SRPRA: variants seen among roughly 807,000 people sequenced by gnomAD.
The protein encoded by SRPRA is signal recognition particle receptor subunit alpha.
SRPRA carries 30 observed loss-of-function variants against 61.1 expected under a neutral mutation model. The ratio of observed to expected loss-of-function variants is 0.49; its 90% confidence interval spans 0.37 to 0.67. The LOEUF (loss-of-function observed/expected upper bound fraction) is 0.67. SRPRA is among the 30% of genes least tolerant of loss of function. The probability of loss-of-function intolerance (pLI) is 0.00; values close to 1 mark genes in which losing one functional copy is unlikely to be tolerated. For synonymous variants in SRPRA, 324 were observed against 299.7 expected, an observed-to-expected ratio of 1.08 and a Z score of -0.84; for missense variants, 759 against 828.4, an observed-to-expected ratio of 0.92 and a Z score of 1.03.
Position 126,263,164 on chromosome 11 carries a change from T to G in SRPRA, c.*752A>C, listed in dbSNP as rs1445642845. 1 of 152,412 alleles carries G rather than the reference T, an allele frequency of 6.6e-6. No homozygotes were observed. The highest frequency in any genetic ancestry group is 1.5e-5 in the Non-Finnish European group (1 of 68,048). The allele number at this position is 152,412 out of a possible 1,614,324, so 9.4% of individuals were successfully genotyped here. A position where few individuals can be genotyped will look rare whatever the true frequency, so the allele number is the denominator to read the frequency against. ...TGAAGGATGGGAGGGGAGGGGGTCA[T>G]CATACATCCTTCTGACAATTGGTTT... is the stretch of plus-strand genomic sequence containing the variant. On this transcript the variant is annotated 3_prime_UTR_variant, in exon 14 of 14. Transcript: ENST00000332118.
chr11:126,267,888 C>G lies in SRPRA; in HGVS notation c.201+115G>C. Reference sequence around the variant, plus strand: ...GTAGCTGCTGTTTTCCCCCATCTACCTTTCTAGTTTTTTCAGTTACGTCAT... The same window carrying G: ...GTAGCTGCTGTTTTCCCCCATCTACGTTTCTAGTTTTTTCAGTTACGTCAT... On this transcript the variant is annotated intron_variant, in intron 2 of 13. Coordinates refer to ENST00000332118, the MANE Select transcript of SRPRA (RefSeq NM_003139.4). The surrounding 1 kb of genome is among the most constrained non-coding windows in gnomAD (Gnocchi z 4.2). 1.4e-6 allele frequency: 2 copies of G among 1,410,738 alleles called. No homozygotes were observed. Among genetic ancestry groups the G allele is most frequent in the South Asian group, 2.5e-5 (2 of 80,434 alleles). 87.4% of individuals were successfully genotyped at this position (1,410,738 alleles called of 1,614,324 possible).
chr11:126,249,351 AC>A, the SRPRA span, among the ~76,000 whole-genome samples: 1 of 152,224 alleles, frequency 6.6e-6, no homozygotes, highest in Non-Finnish European at 1.5e-5. Context: ...TTCAGAATAA[AC>A]CTATGAACTG....
the SRPRA span, among the ~76,000 whole-genome samples, chr11:126,248,257 G>A: frequency 6.7e-6 from 1 of 149,440 alleles, no homozygotes; most frequent in African/African-American, 2.5e-5. Context: ...GTGACTGCTA[G>A]ATCATAGGGC....
the SRPRA span, among the ~76,000 whole-genome samples, chr11:126,248,716 C>T: frequency 6.6e-6 from 1 of 152,140 alleles, no homozygotes; most frequent in Admixed American, 6.5e-5. Context: ...AAATCTACTC[C>T]TGCAATAATG....
chr11:126,244,789 G>A, the SRPRA span, among the ~76,000 whole-genome samples: 1 of 151,268 alleles, frequency 6.6e-6, no homozygotes, highest in Admixed American at 6.6e-5. This position sits in a 1 kb window ranked among gnomAD's most constrained non-coding sequence, Gnocchi z 4.5. Context: ...GGCAACAAGA[G>A]CGAAACTCCA....
the SRPRA span, among the ~76,000 whole-genome samples, chr11:126,239,064 C>G: frequency 6.6e-6 from 1 of 151,680 alleles, no homozygotes; most frequent in Non-Finnish European, 1.5e-5. Context: ...CCTCAGCCTC[C>G]TGGGCTCACG....
intron 1 of SRPRA, 105 bp downstream of exon 1, chr11:126,268,583 G>C: frequency 1.1e-6 from 1 of 911,222 alleles, no homozygotes; most frequent in African/African-American, 1.7e-5. Context: ...TGGTCAGTGT[G>C]AGGTGGGCGG....
chr11:126,267,010 A>G lies in SRPRA; in HGVS notation c.527-88T>C. ...AAAAGTCTTCCAAATTGTTCAAAGG[A>G]AATTTGGACCAAACATCTTGGAGTT... is the stretch of plus-strand genomic sequence containing the variant. On this transcript the variant is annotated intron_variant, in intron 4 of 13. Coordinates refer to ENST00000332118, the MANE Select transcript of SRPRA (RefSeq NM_003139.4). This position sits in a 1 kb window ranked among gnomAD's most constrained non-coding sequence, Gnocchi z 4.2. The G allele has an allele frequency of 1.3e-6, 2 of 1,541,214 alleles. No homozygotes were observed. The highest frequency in any genetic ancestry group is 1.7e-6 in the Non-Finnish European group (2 of 1,145,712).
Position 126,264,754 on chromosome 11 carries a change from G to T in SRPRA, c.1525+205C>A. On this transcript the variant is annotated intron_variant, in intron 11 of 13. Coordinates refer to ENST00000332118, the MANE Select transcript of SRPRA (RefSeq NM_003139.4). The surrounding 1 kb of genome is among the most constrained non-coding windows in gnomAD (Gnocchi z 5.0). ...AACAGGATGAAGGTGACCAAATTCA[G>T]GTTTCTCTGGTTAAGGTATATTAGC... 1 of 750,550 alleles carries T rather than the reference G, an allele frequency of 1.3e-6. No homozygotes were observed. Among genetic ancestry groups the T allele is most frequent in the Non-Finnish European group, 2.1e-6 (1 of 475,092 alleles). 46.5% of individuals were successfully genotyped at this position (750,550 alleles called of 1,614,324 possible).
At chr11:126,238,645 T>G in the SRPRA span, among the ~76,000 whole-genome samples, 1 of 152,188 alleles carries the variant, frequency 6.6e-6, no homozygotes, top group African/African-American at 2.4e-5. Flanking sequence ...AGTCCTCTGG[T>G]CAACCTCTGC....
At chr11:126,259,329 A>G (rs1591531398), downstream of SRPRA, among the ~76,000 whole-genome samples, 1 of 152,132 alleles carries the variant, frequency 6.6e-6, no homozygotes, top group African/African-American at 2.4e-5. Flanking sequence ...AAAGGATTCT[A>G]TAGTATGTAG....
the SRPRA span, among the ~76,000 whole-genome samples, chr11:126,240,588 G>T: frequency 6.6e-6 from 1 of 152,138 alleles, no homozygotes; most frequent in East Asian, 1.9e-4. Flanking sequence ...CCTGAAATAG[G>T]TTTATGACTT....
chr11:126,251,738 T>C, the SRPRA span, among the ~76,000 whole-genome samples: 3 of 151,940 alleles, frequency 2.0e-5, no homozygotes. Flanking sequence ...CAGCTTTTTT[T>C]TTTTTTTTTT....
chr11:126,241,151 A>AT, the SRPRA span: 1 of 1,175,030 alleles, frequency 8.5e-7, no homozygotes. Context: ...TAACAGGGAT[A>AT]TTCATTTACA....
At chr11:126,238,947 A>G in the SRPRA span, among the ~76,000 whole-genome samples, 1 of 151,100 alleles carries the variant, frequency 6.6e-6, no homozygotes, top group Non-Finnish European at 1.5e-5. Context: ...CACAATTGTT[A>G]AATGTTTTAT....
At chr11:126,237,607 T>G in the SRPRA span, among the ~76,000 whole-genome samples, 1 of 115,248 alleles carries the variant, frequency 8.7e-6, no homozygotes, top group African/African-American at 3.3e-5. Flanking sequence ...GAGGCTGAGG[T>G]GGGCAGATCG....
chr11:126,255,988 T>C, the SRPRA span, among the ~76,000 whole-genome samples: 1 of 151,592 alleles, frequency 6.6e-6, no homozygotes, highest in African/African-American at 2.4e-5. This position sits in a 1 kb window ranked among gnomAD's most constrained non-coding sequence, Gnocchi z 4.6. Flanking sequence ...AGTAAACTAC[T>C]GGCCAAGTGC....
chr11:126,261,471 C>T (rs1180766168), downstream of SRPRA: 5 of 1,613,470 alleles, frequency 3.1e-6, no homozygotes, highest in Admixed American at 1.7e-5. Flanking sequence ...CTGCAGCACA[C>T]AGTGAAATAA....
the SRPRA span, among the ~76,000 whole-genome samples, chr11:126,252,236 C>G: frequency 6.6e-6 from 1 of 152,180 alleles, no homozygotes; most frequent in Non-Finnish European, 1.5e-5. This position sits in a 1 kb window ranked among gnomAD's most constrained non-coding sequence, Gnocchi z 4.7. Context: ...ATCTGCCCAC[C>G]TTAGCCTCCC....
Sources: gnomAD v4.1 joint callset for allele counts (sites outside exome capture counted in the v4.1 genomes callset) on GRCh38, gnomAD v4.1.1 for gene constraint, Gnocchi (gnomAD v3.1) non-coding constraint, MANE v1.5 for transcripts, NCBI Gene and HGNC (gene_info 2026-07-23, HGNC 2026-07-21) for gene names.